Variants in TAFA1 observed in about 807,000 individuals in gnomAD.
The protein encoded by TAFA1 is TAFA chemokine like family member 1.
Under a neutral mutation model 18.5 loss-of-function variants are expected in TAFA1, and 4 were observed. That is an observed-to-expected ratio of 0.22 (90% CI 0.11 to 0.49). TAFA1 has a LOEUF of 0.49. Ranked by LOEUF, TAFA1 falls within the 20% of genes least tolerant of loss-of-function variation. The pLI is 0.98. For missense variants in TAFA1, 147 were observed against 169.0 expected, an observed-to-expected ratio of 0.87 and a Z score of 0.72; for synonymous variants, 56 against 55.2, an observed-to-expected ratio of 1.01 and a Z score of -0.06.
At chr3:68,127,219 T>C (rs897954716) in intron 2 of TAFA1, among the ~76,000 whole-genome samples, 6 of 152,106 alleles carry the variant, frequency 3.9e-5, no homozygotes, top group Non-Finnish European at 4.4e-5. Flanking sequence ...GAGGTCTGTA[T>C]AGATAAACTT....
At chr3:68,120,245 CTTTCTTTCTTTCTTT>C (rs2065381907) in intron 2 of TAFA1, among the ~76,000 whole-genome samples, 3 of 65,208 alleles carry the variant, frequency 4.6e-5, no homozygotes, top group African/African-American at 1.6e-4. Flanking sequence ...TTCTTTCTTT[CTTTCTTTCTTTCTTT>C]CTTTTTTGAG....
chr3:68,176,541 A>G lies in TAFA1; in HGVS notation c.118+169797A>G, dbSNP rs79516252. On this transcript the variant is annotated intron_variant, in intron 2 of 4. Coordinates refer to ENST00000478136, the MANE Select transcript of TAFA1 (RefSeq NM_213609.4). The stretch of plus-strand genomic sequence containing the variant: ...CCTATAATTTTGATGAAGCTTTTTA[A>G]TTGACAGGATTTGCATTAGTTCAAA... 8.9e-3 allele frequency among the ~76,000 whole-genome samples: 1,353 copies of G among 152,296 alleles called. 20 individuals are homozygous for G. The highest frequency in any genetic ancestry group is 0.03 in the African/African-American group (1,241 of 41,568).
chr3:68,060,446 A>G (rs2064588290), intron 2 of TAFA1, among the ~76,000 whole-genome samples: 1 of 152,192 alleles, frequency 6.6e-6, no homozygotes, highest in Non-Finnish European at 1.5e-5. Flanking sequence ...GATATTTTTA[A>G]AGAACATTGT....
intron 2 of TAFA1, among the ~76,000 whole-genome samples, chr3:68,143,126 T>C (rs2065690734): frequency 6.6e-6 from 1 of 152,198 alleles, no homozygotes; most frequent in African/African-American, 2.4e-5. Flanking sequence ...TCCATCTTGC[T>C]ATTTTTACAT....
intron 2 of TAFA1, among the ~76,000 whole-genome samples, chr3:68,211,362 A>G (rs1161740030): frequency 6.6e-6 from 1 of 152,082 alleles, no homozygotes; most frequent in Non-Finnish European, 1.5e-5. Flanking sequence ...CCTGGTGTGA[A>G]GGATATATTT....
rs571849370 is a variant in TAFA1, at chr3:68,280,436, G to A, written c.119-136844G>A. Among the ~76,000 whole-genome samples the A allele has an allele frequency of 9.3e-4, 142 of 152,182 alleles. 1 individual carries two copies. The highest frequency in any genetic ancestry group is 1.9e-3 in the South Asian group (9 of 4,786). On this transcript the variant is annotated intron_variant, in intron 2 of 4. Coordinates refer to ENST00000478136, the MANE Select transcript of TAFA1 (RefSeq NM_213609.4). Reference sequence around the variant, plus strand: ...TTGTTAGGCAGTCTCAACATTGTATGTCTTGATGAGTGCAGTCTGGTAAGT... The same window carrying A: ...TTGTTAGGCAGTCTCAACATTGTATATCTTGATGAGTGCAGTCTGGTAAGT...
chr3:68,211,919 T>C (rs531171875), intron 2 of TAFA1, among the ~76,000 whole-genome samples: 4 of 152,120 alleles, frequency 2.6e-5, no homozygotes, highest in African/African-American at 9.6e-5. Context: ...TCTCTTTAGG[T>C]CCCACCTCCA....
chr3:68,194,361 C>T (rs1296255097), intron 2 of TAFA1, among the ~76,000 whole-genome samples: 2 of 151,570 alleles, frequency 1.3e-5, no homozygotes, highest in Admixed American at 6.6e-5. Context: ...TTGTTTTCCC[C>T]ACGTAGATTT....
intron 3 of TAFA1, among the ~76,000 whole-genome samples, chr3:68,526,883 A>G (rs891776424): frequency 8.5e-5 from 13 of 152,164 alleles, no homozygotes; most frequent in African/African-American, 3.1e-4. Flanking sequence ...AGGTTTTTTA[A>G]GTTGGCAAAA....
At chr3:68,242,871 A>G (rs1177445477) in intron 2 of TAFA1, among the ~76,000 whole-genome samples, 1 of 151,956 alleles carries the variant, frequency 6.6e-6, no homozygotes, top group Non-Finnish European at 1.5e-5. Context: ...ACATTTTTTT[A>G]TCTCCTATTT....
intron 2 of TAFA1, among the ~76,000 whole-genome samples, chr3:68,320,808 T>TGAGAATAGGCTGCACCCC (rs1330049097): frequency 6.6e-6 from 1 of 152,146 alleles, no homozygotes; most frequent in Non-Finnish European, 1.5e-5. Flanking sequence ...GCATGCACCC[T>TGAGAATAGGCTGCACCCC]GAGAATAGGC....
chr3:68,074,347 C>T (rs749318207), intron 2 of TAFA1, among the ~76,000 whole-genome samples: 40 of 152,036 alleles, frequency 2.6e-4, no homozygotes, highest in Non-Finnish European at 3.8e-4. Flanking sequence ...GGTACTGGTC[C>T]GTGGTCTGGG....
chr3:68,098,761 A>T (rs2065115471), intron 2 of TAFA1, among the ~76,000 whole-genome samples: 1 of 152,180 alleles, frequency 6.6e-6, no homozygotes, highest in South Asian at 2.1e-4. Context: ...ACTATACTAC[A>T]ATGTTGCAGT....
intron 2 of TAFA1, among the ~76,000 whole-genome samples, chr3:68,064,619 A>G (rs2064649457): frequency 6.6e-6 from 1 of 152,164 alleles, no homozygotes; most frequent in East Asian, 1.9e-4. Flanking sequence ...TTTTTCTGCT[A>G]ATTAACACAT....
At chr3:68,009,621 T>G (rs1014981440) in intron 2 of TAFA1, among the ~76,000 whole-genome samples, 6 of 152,194 alleles carry the variant, frequency 3.9e-5, no homozygotes, top group African/African-American at 1.4e-4. Context: ...GATATTAAAC[T>G]TAACATCCAA....
At chr3:68,245,935 G>T (rs1165306967) in intron 2 of TAFA1, among the ~76,000 whole-genome samples, 1 of 152,138 alleles carries the variant, frequency 6.6e-6, no homozygotes, top group Non-Finnish European at 1.5e-5. Flanking sequence ...TAATAAAGCG[G>T]GTATGGTATA....
At chr3:68,316,960 G>A (rs2068615310) in intron 2 of TAFA1, among the ~76,000 whole-genome samples, 1 of 151,970 alleles carries the variant, frequency 6.6e-6, no homozygotes, top group Non-Finnish European at 1.5e-5. Flanking sequence ...TTTTTTCAAT[G>A]CAATGAATTG....
intron 2 of TAFA1, among the ~76,000 whole-genome samples, chr3:68,220,216 G>C (rs1354924551): frequency 1.3e-5 from 2 of 152,126 alleles, no homozygotes; most frequent in Non-Finnish European, 2.9e-5. Context: ...CACTGAGATA[G>C]ATGTCCTCAA....
At chr3:68,382,540 C>T (rs915910236) in intron 2 of TAFA1, among the ~76,000 whole-genome samples, 2 of 151,866 alleles carry the variant, frequency 1.3e-5, no homozygotes, top group Non-Finnish European at 2.9e-5. Context: ...GTTATGGGGC[C>T]TTATTTCTGG....
Sources: gnomAD v4.1 joint callset for allele counts (sites outside exome capture counted in the v4.1 genomes callset) on GRCh38, gnomAD v4.1.1 for gene constraint, MANE v1.5 for transcripts, NCBI Gene and HGNC (gene_info 2026-07-23, HGNC 2026-07-21) for gene names.